The following CTNNA3 variants were observed in gnomAD, a reference collection of about 807,000 sequenced individuals.
The protein encoded by CTNNA3 is catenin alpha 3, also known as catenin alpha-3.
A neutral mutation model predicts 95.7 loss-of-function variants in CTNNA3; 76 were observed. The observed-to-expected ratio is 0.79, with a 90% CI of 0.66 to 0.96. The LOEUF (loss-of-function observed/expected upper bound fraction) is 0.96, where lower values mean the gene tolerates loss of function less well. CTNNA3 is among the 40% of genes least tolerant of loss of function. The pLI is 0.00. For synonymous variants in CTNNA3, 431 were observed against 374.4 expected (o/e 1.15, Z -1.74); for missense variants, 1,191 against 1,089.8 (o/e 1.09, Z -1.31).
chr10:66,571,775 A>G (rs927357585), intron 10 of CTNNA3, among the ~76,000 whole-genome samples: 2 of 152,144 alleles, frequency 1.3e-5, no homozygotes, highest in Non-Finnish European at 2.9e-5. Context: ...TAAATCTGTA[A>G]TGACCCATAA....
chr10:66,105,643 A>G (rs2081864283), intron 13 of CTNNA3, among the ~76,000 whole-genome samples: 1 of 152,230 alleles, frequency 6.6e-6, no homozygotes, highest in East Asian at 1.9e-4. Flanking sequence ...AGATAAGCCT[A>G]CCATTTACAC....
chr10:66,516,144 T>C (rs1021493168), intron 11 of CTNNA3, among the ~76,000 whole-genome samples: 1 of 150,528 alleles, frequency 6.6e-6, no homozygotes, highest in African/African-American at 2.4e-5. Context: ...ACAAAAAAGA[T>C]CTAGAGGGCC....
intron 5 of CTNNA3, among the ~76,000 whole-genome samples, chr10:67,228,461 A>G (rs1865031556): frequency 6.6e-6 from 1 of 152,038 alleles, no homozygotes; most frequent in Non-Finnish European, 1.5e-5. Context: ...AAAAATACAA[A>G]AATTAGCAGG....
chr10:66,924,835 G>A (rs1242843823), intron 7 of CTNNA3, among the ~76,000 whole-genome samples: 1 of 152,166 alleles, frequency 6.6e-6, no homozygotes, highest in Non-Finnish European at 1.5e-5. Flanking sequence ...TTTTGCAGAT[G>A]AGAAAACTGA....
At chr10:66,943,412 C>A (rs983245013) in intron 7 of CTNNA3, among the ~76,000 whole-genome samples, 1 of 151,836 alleles carries the variant, frequency 6.6e-6, no homozygotes, top group Admixed American at 6.6e-5. Context: ...TCAAAAAGAC[C>A]ATCTTTTTAT....
At chr10:66,271,379 T>C (rs1454518623) in intron 13 of CTNNA3, among the ~76,000 whole-genome samples, 2 of 152,328 alleles carry the variant, frequency 1.3e-5, no homozygotes, top group South Asian at 2.1e-4. Context: ...AGAAACTTTA[T>C]GTTTGAAGAG....
At position 66,578,795 on chromosome 10, in the gene CTNNA3, TTTG is replaced by T. The variant is rs1843088867; in HGVS notation, c.1374+42894_1374+42896del. 1.5e-4 allele frequency among the ~76,000 whole-genome samples: 22 copies of T among 151,290 alleles called. No individual in the cohort carries two copies. In the South Asian group the frequency reaches 3.1e-3, roughly 22 times the overall value. On this transcript the variant is annotated intron_variant, in intron 10 of 17. Coordinates refer to ENST00000433211, the MANE Select transcript of CTNNA3 (RefSeq NM_013266.4). ...TGATATTTTTCTTTCTTTTTTTTTTTTTGTTTGTTGTTGTTGTTGTGTCTCTGT... is the reference window on the plus strand; with the variant it reads ...TGATATTTTTCTTTCTTTTTTTTTTTTTTGTTGTTGTTGTTGTGTCTCTGT...
chr10:66,717,273 T>G lies in CTNNA3; in HGVS notation c.1281+48991A>C, dbSNP rs532483684. ...TTTGGAGGACCCCGACTGACACAGGTAAATAATTCCATCTTCTTTTATCCC... is the reference window on the plus strand; with the variant it reads ...TTTGGAGGACCCCGACTGACACAGGGAAATAATTCCATCTTCTTTTATCCC... On this transcript the variant is annotated intron_variant, in intron 9 of 17. Transcript: ENST00000433211. Among the ~76,000 whole-genome samples the G allele has an allele frequency of 2.0e-5, 3 of 152,204 alleles. No homozygotes were observed. The South Asian group carries it at 6.2e-4, about 32-fold the overall frequency.
At chr10:66,647,729 C>A (rs1238803513) in intron 9 of CTNNA3, among the ~76,000 whole-genome samples, 2 of 151,626 alleles carry the variant, frequency 1.3e-5, no homozygotes, top group African/African-American at 2.4e-5. Flanking sequence ...CCTTGTTAGC[C>A]AGGATGGTCT....
intron 5 of CTNNA3, among the ~76,000 whole-genome samples, chr10:67,363,109 C>A (rs1589216388): frequency 6.6e-6 from 1 of 151,936 alleles, no homozygotes; most frequent in East Asian, 1.9e-4. Context: ...TTCAAAGAAA[C>A]CAGAGATGAC....
At chr10:67,196,000 C>T (rs1177985472) in intron 6 of CTNNA3, among the ~76,000 whole-genome samples, 31 of 151,100 alleles carry the variant, frequency 2.1e-4, no homozygotes, top group Admixed American at 2.0e-3. Flanking sequence ...TTCACAAAAA[C>T]ACATGCTATG....
rs1042335268 is a variant in CTNNA3 at position 67,630,916 on chromosome 10, C to T, written c.99+16499G>A. ...ACTCACATTCAACATAAATCTGACACCTACCAAACTGTATTTTGCAGCAAA... is the reference window on the plus strand; with the variant it reads ...ACTCACATTCAACATAAATCTGACATCTACCAAACTGTATTTTGCAGCAAA... On this transcript the variant is annotated intron_variant, in intron 2 of 17. Coordinates refer to ENST00000433211, the MANE Select transcript of CTNNA3 (RefSeq NM_013266.4). 2.0e-5 allele frequency among the ~76,000 whole-genome samples: 3 copies of T among 152,156 alleles called. 1 individual carries two copies. Among genetic ancestry groups the T allele is most frequent in the African/African-American group, 7.2e-5 (3 of 41,440 alleles).
chr10:67,206,161 CAGGTGAGTTT>C (rs1469433226), intron 6 of CTNNA3, among the ~76,000 whole-genome samples: 1 of 152,072 alleles, frequency 6.6e-6, no homozygotes, highest in Admixed American at 6.6e-5. Flanking sequence ...TTCAAATTAC[CAGGTGAGTTT>C]AGGATGAACT....
chr10:66,157,392 G>T (rs1322436123), intron 13 of CTNNA3, among the ~76,000 whole-genome samples: 1 of 151,734 alleles, frequency 6.6e-6, no homozygotes, highest in Admixed American at 6.6e-5. Context: ...TTATGGCTGA[G>T]TAGTATTCTA....
At chr10:67,330,109 G>A (rs1841719717) in intron 5 of CTNNA3, among the ~76,000 whole-genome samples, 1 of 152,160 alleles carries the variant, frequency 6.6e-6, no homozygotes, top group Non-Finnish European at 1.5e-5. Context: ...GCATCTCAAA[G>A]CATAATTACA....
chr10:66,174,353 C>A (rs2085596067), intron 13 of CTNNA3, among the ~76,000 whole-genome samples: 1 of 151,848 alleles, frequency 6.6e-6, no homozygotes, highest in Non-Finnish European at 1.5e-5. Flanking sequence ...TATTTCTTTA[C>A]AATATTATTG....
intron 3 of CTNNA3, among the ~76,000 whole-genome samples, chr10:67,603,615 ATAAT>A (rs1316325689): frequency 6.6e-6 from 1 of 151,860 alleles, no homozygotes; most frequent in Admixed American, 6.6e-5. Context: ...AAAAAAAAAA[ATAAT>A]TAAAAATGTA....
intron 10 of CTNNA3, among the ~76,000 whole-genome samples, 159 bp downstream of exon 10, chr10:66,621,533 A>G (rs1054692953): frequency 2.9e-4 from 44 of 151,646 alleles, no homozygotes; most frequent in African/African-American, 1.1e-3. Flanking sequence ...CAGAAGTTGC[A>G]GTCAGTCGAG....
At chr10:67,714,058 C>A (rs1404915521) in intron 1 of CTNNA3, among the ~76,000 whole-genome samples, 1 of 152,168 alleles carries the variant, frequency 6.6e-6, no homozygotes, top group African/African-American at 2.4e-5. Flanking sequence ...AGGGGCAGGG[C>A]TCTCATGGAG....
Sources: gnomAD v4.1 joint callset for allele counts (sites outside exome capture counted in the v4.1 genomes callset) on GRCh38, gnomAD v4.1.1 for gene constraint, MANE v1.5 for transcripts, NCBI Gene and HGNC (gene_info 2026-07-23, HGNC 2026-07-21) for gene names.